NALF1: variants seen among roughly 807,000 people sequenced by gnomAD.
NALF1 encodes family with sequence similarity 155 member A.
In NALF1, 3 loss-of-function variants were observed where a neutral mutation model predicts 48.4. That is an observed-to-expected ratio of 0.06 (90% CI 0.03 to 0.16). The LOEUF (loss-of-function observed/expected upper bound fraction) is 0.16, where lower values mean the gene tolerates loss of function less well. NALF1 is among the 10% of genes least tolerant of loss of function. The pLI is 1.00. For missense variants in NALF1, 526 were observed against 571.5 expected (o/e 0.92, Z 0.81); for synonymous variants, 262 against 245.7 (o/e 1.07, Z -0.62).
At chr13:107,255,037 AG>A (rs1880784782) in intron 1 of NALF1, among the ~76,000 whole-genome samples, 1 of 152,224 alleles carries the variant, frequency 6.6e-6, no homozygotes, top group South Asian at 2.1e-4. Context: ...TCTCACTTGC[AG>A]GGACTTTACA....
At chr13:107,299,638 T>C (rs2138891429) in intron 1 of NALF1, among the ~76,000 whole-genome samples, 1 of 151,868 alleles carries the variant, frequency 6.6e-6, no homozygotes, top group African/African-American at 2.4e-5. Context: ...ACCTATTTCT[T>C]CTACACATAT....
At chr13:107,414,918 AT>A (rs1301125579) in intron 1 of NALF1, among the ~76,000 whole-genome samples, 1 of 152,122 alleles carries the variant, frequency 6.6e-6, no homozygotes, top group African/African-American at 2.4e-5. Flanking sequence ...CTTAATTAGT[AT>A]TTGTAAATGT....
At position 107,176,322 on chromosome 13, in the gene NALF1, T is replaced by G. The variant is rs1203743500; in HGVS notation, c.1088-5536A>C. Among the ~76,000 whole-genome samples, 5 of 150,024 alleles carry G rather than the reference T, an allele frequency of 3.3e-5. 1 individual carries two copies. The highest frequency in any genetic ancestry group is 6.6e-5 in the Admixed American group (1 of 15,096). On this transcript the variant is annotated intron_variant, in intron 2 of 2. Coordinates refer to ENST00000375915, the MANE Select transcript of NALF1 (RefSeq NM_001080396.3). Reference sequence around the variant, plus strand: ...TTACAGTACCAACCTCACAGTTTTTTTTTTTTTTTTTTTTTTTGAGAATTA... The same window carrying G: ...TTACAGTACCAACCTCACAGTTTTTGTTTTTTTTTTTTTTTTTGAGAATTA...
intron 1 of NALF1, among the ~76,000 whole-genome samples, chr13:107,251,528 T>C (rs1031768297): frequency 1.4e-4 from 22 of 152,216 alleles, no homozygotes; most frequent in Admixed American, 4.6e-4. Context: ...AGCCCCTGCC[T>C]ACAGCTACAT....
intron 2 of NALF1, among the ~76,000 whole-genome samples, chr13:107,201,532 G>A (rs148662479): frequency 0.011 from 1,704 of 152,204 alleles, 35 homozygotes; most frequent in African/African-American, 0.039. Context: ...AGTCGAGATC[G>A]TGCCACTGCA....
chr13:107,755,519 C>T (rs1365713622), intron 1 of NALF1, among the ~76,000 whole-genome samples: 1 of 151,062 alleles, frequency 6.6e-6, no homozygotes, highest in Non-Finnish European at 1.5e-5. Context: ...TCTTTGGTTC[C>T]ATTTTCATGC....
At chr13:107,347,579 C>A (rs1413763613) in intron 1 of NALF1, among the ~76,000 whole-genome samples, 1 of 152,190 alleles carries the variant, frequency 6.6e-6, no homozygotes, top group Admixed American at 6.5e-5. Flanking sequence ...GGCAGTCTAT[C>A]CAGCCATGTC....
At position 107,830,182 on chromosome 13, in the gene NALF1, C is replaced by A. The variant is rs1170842006; in HGVS notation, c.915+35500G>T. ...CCAGCAATCTAACTCGATGAATGAT[C>A]TTCCAGTTGGAAAGATGGGGACTTC... On this transcript the variant is annotated intron_variant, in intron 1 of 2. Transcript: ENST00000375915. Among the ~76,000 whole-genome samples the A allele has an allele frequency of 2.0e-5, 3 of 152,228 alleles. No homozygotes were observed. In the East Asian group the frequency reaches 5.8e-4, roughly 29 times the overall value.
At chr13:107,623,510 T>G (rs907711481) in intron 1 of NALF1, among the ~76,000 whole-genome samples, 1 of 152,084 alleles carries the variant, frequency 6.6e-6, no homozygotes, top group Non-Finnish European at 1.5e-5. Flanking sequence ...ATGTTTAGGA[T>G]GCCTAAGACT....
At position 107,184,181 on chromosome 13, in the gene NALF1, T is replaced by TA. The variant is rs35875309; in HGVS notation, c.1088-13396dup. On this transcript the variant is annotated intron_variant, in intron 2 of 2. Transcript: ENST00000375915. Reference sequence around the variant, plus strand: ...TGTACCCCAGAACTTAAAAGTGTAATAAAAAAAAAAAAGAGAAATCTGACA... The same window carrying TA: ...TGTACCCCAGAACTTAAAAGTGTAATAAAAAAAAAAAAAGAGAAATCTGACA... Among the ~76,000 whole-genome samples, 522 of 145,506 alleles carry TA rather than the reference T, an allele frequency of 3.6e-3. 3 individuals carry two copies. The highest frequency in any genetic ancestry group is 0.01 in the African/African-American group (407 of 39,164).
At chr13:107,468,109 T>C (rs988447135) in intron 1 of NALF1, among the ~76,000 whole-genome samples, 11 of 151,802 alleles carry the variant, frequency 7.2e-5, no homozygotes, top group African/African-American at 2.4e-4. Flanking sequence ...GTCAGAGGCC[T>C]GTTCTGTACC....
At chr13:107,393,662 G>T (rs1326194048) in intron 1 of NALF1, among the ~76,000 whole-genome samples, 1 of 152,068 alleles carries the variant, frequency 6.6e-6, no homozygotes, top group East Asian at 1.9e-4. Context: ...AAAGAACAGG[G>T]TAGGGATTAT....
At chr13:107,518,711 TA>T (rs1032687437) in intron 1 of NALF1, among the ~76,000 whole-genome samples, 9 of 151,934 alleles carry the variant, frequency 5.9e-5, no homozygotes, top group Non-Finnish European at 1.2e-4. Flanking sequence ...GAAGAAGAAA[TA>T]AAAAAAGCAG....
At chr13:107,835,822 T>C (rs1318543265) in intron 1 of NALF1, among the ~76,000 whole-genome samples, 2 of 152,290 alleles carry the variant, frequency 1.3e-5, no homozygotes, top group South Asian at 2.1e-4. Context: ...AGAAACCCTC[T>C]GGAACATGCA....
chr13:107,608,995 A>G (rs1879150109), intron 1 of NALF1, among the ~76,000 whole-genome samples: 1 of 152,222 alleles, frequency 6.6e-6, no homozygotes, highest in South Asian at 2.1e-4. Context: ...ACAGTGAACA[A>G]GATGAGAAGG....
intron 1 of NALF1, among the ~76,000 whole-genome samples, chr13:107,596,703 T>C (rs1878763046): frequency 6.6e-6 from 1 of 152,008 alleles, no homozygotes; most frequent in Non-Finnish European, 1.5e-5. Context: ...GAGGATAGCA[T>C]TATGAGAAAT....
intron 1 of NALF1, among the ~76,000 whole-genome samples, chr13:107,757,104 GATGCA>G (rs1877123429): frequency 6.6e-6 from 1 of 152,206 alleles, no homozygotes; most frequent in African/African-American, 2.4e-5. Context: ...CTTCTGATGA[GATGCA>G]AGAAATAGCC....
intron 1 of NALF1, among the ~76,000 whole-genome samples, chr13:107,326,925 T>G (rs1362977313): frequency 6.8e-6 from 1 of 147,388 alleles, no homozygotes; most frequent in African/African-American, 2.5e-5. Flanking sequence ...GCTAGCCAGA[T>G]CCTGGTCTCC....
chr13:107,310,335 G>A (rs539383311), intron 1 of NALF1, among the ~76,000 whole-genome samples: 13 of 151,456 alleles, frequency 8.6e-5, no homozygotes, highest in East Asian at 7.8e-4. Flanking sequence ...ACTTGAACTC[G>A]GCAAGCAGAG....
Sources: allele counts gnomAD v4.1 joint callset (sites outside exome capture counted in the v4.1 genomes callset), GRCh38; gene constraint gnomAD v4.1.1; transcripts MANE v1.5; gene names NCBI Gene and HGNC (gene_info 2026-07-23, HGNC 2026-07-21).